The following PSTPIP1 variants were observed in gnomAD, a reference collection of about 807,000 sequenced individuals.
PSTPIP1 encodes proline-serine-threonine phosphatase-interacting protein 1.
Under a neutral mutation model 69.6 loss-of-function variants are expected in PSTPIP1, and 66 were observed. The observed-to-expected ratio is 0.95, with a 90% CI of 0.78 to 1.16. PSTPIP1 has a LOEUF of 1.16. PSTPIP1 is among the 50% of genes most tolerant of loss of function. The pLI is 0.00. For missense variants in PSTPIP1, 603 were observed against 557.4 expected, an observed-to-expected ratio of 1.08 and a Z score of -0.82; for synonymous variants, 266 against 222.7, an observed-to-expected ratio of 1.19 and a Z score of -1.73.
At chr15:76,999,781 T>C (rs1054747780) in intron 1 of PSTPIP1, among the ~76,000 whole-genome samples, 1 of 152,172 alleles carries the variant, frequency 6.6e-6, no homozygotes, top group Non-Finnish European at 1.5e-5. Flanking sequence ...AGAGGAGCAG[T>C]ATCTCAACTG....
At chr15:77,014,722 G>A (rs998302617) in intron 1 of PSTPIP1, among the ~76,000 whole-genome samples, 11 of 152,218 alleles carry the variant, frequency 7.2e-5, no homozygotes, top group East Asian at 5.8e-4. Context: ...GGCCCTGGCC[G>A]GCTCACAGGC....
chr15:77,011,414 G>A lies in PSTPIP1; in HGVS notation c.37-6734G>A, dbSNP rs542940166. On this transcript the variant is annotated intron_variant, in intron 1 of 14. Transcript: ENST00000558012. ...AGGCATCTCTGGGACTCGGCCAGCTGGGCTGCTCAGGTGAGGGGCCCTGTA... is the reference window on the plus strand; with the variant it reads ...AGGCATCTCTGGGACTCGGCCAGCTAGGCTGCTCAGGTGAGGGGCCCTGTA... Among the ~76,000 whole-genome samples the A allele has an allele frequency of 4.6e-5, 7 of 152,370 alleles. No homozygotes were observed. In the South Asian group the frequency reaches 1.4e-3, roughly 32 times the overall value.
intron 1 of PSTPIP1, among the ~76,000 whole-genome samples, chr15:77,010,347 AC>A (rs1053523297): frequency 2.0e-5 from 3 of 152,138 alleles, no homozygotes; most frequent in Non-Finnish European, 2.9e-5. Flanking sequence ...TGAGAGCCCC[AC>A]CAGGCACCGC....
intron 1 of PSTPIP1, among the ~76,000 whole-genome samples, chr15:77,016,930 C>A (rs1010613870): frequency 1.3e-5 from 2 of 152,090 alleles, no homozygotes; most frequent in Non-Finnish European, 2.9e-5. Context: ...CATGTGTGTG[C>A]GACCCTGGAG....
chr15:76,997,201 G>C (rs984558173), intron 1 of PSTPIP1, among the ~76,000 whole-genome samples: 6 of 152,220 alleles, frequency 3.9e-5, no homozygotes, highest in African/African-American at 1.4e-4. Context: ...TGTGCTCGTC[G>C]CACCTCTGGG....
intron 1 of PSTPIP1, among the ~76,000 whole-genome samples, chr15:77,013,087 C>G (rs1189056708): frequency 6.6e-6 from 1 of 152,188 alleles, no homozygotes; most frequent in East Asian, 1.9e-4. Context: ...CAGTGTCAGC[C>G]ACACTGGCTG....
rs2076520666 is a variant in PSTPIP1, at chr15:77,034,951, A to T, written c.930-557A>T. Among the ~76,000 whole-genome samples, 3 of 152,268 alleles carry T rather than the reference A, an allele frequency of 2.0e-5. No individual in the cohort carries two copies. The South Asian group carries it at 6.2e-4, about 31-fold the overall frequency. ...GCGCTGTCCCGGAACTCCTGTGAACAGGGTGGCTGAGCTGGCCTGATCACC... is the reference window on the plus strand; with the variant it reads ...GCGCTGTCCCGGAACTCCTGTGAACTGGGTGGCTGAGCTGGCCTGATCACC... On this transcript the variant is annotated intron_variant, in intron 12 of 14. Coordinates refer to ENST00000558012, the MANE Select transcript of PSTPIP1 (RefSeq NM_003978.5).
intron 1 of PSTPIP1, among the ~76,000 whole-genome samples, chr15:77,000,458 G>GATATATATATATATATATATATATATAT (rs148680520): frequency 7.2e-6 from 1 of 139,118 alleles, no homozygotes; most frequent in African/African-American, 2.8e-5. Context: ...CATTTAAAGA[G>GATATATATATATATATATATATATATAT]AGATATATAT....
chr15:77,033,010 C>A, intron 12 of PSTPIP1, 58 bp downstream of exon 12: 2 of 1,498,536 alleles, frequency 1.3e-6, no homozygotes, highest in Non-Finnish European at 1.8e-6. Context: ...TGGGTCGAGC[C>A]CCTCCTCTGC....
chr15:77,028,865 G>A (rs755585435), intron 7 of PSTPIP1, among the ~76,000 whole-genome samples: 15 of 152,200 alleles, frequency 9.9e-5, no homozygotes, highest in Non-Finnish European at 1.2e-4. Flanking sequence ...CTTTGCCACC[G>A]TCAGGCGGCA....
At chr15:77,036,314 C>G (rs931797927) in intron 14 of PSTPIP1, among the ~76,000 whole-genome samples, 1 of 152,178 alleles carries the variant, frequency 6.6e-6, no homozygotes, top group Non-Finnish European at 1.5e-5. Flanking sequence ...CTGGCAGAGC[C>G]TGGAGCTGCC....
intron 9 of PSTPIP1, among the ~76,000 whole-genome samples, chr15:77,030,892 G>A (rs567764739): frequency 7.2e-5 from 11 of 152,348 alleles, no homozygotes; most frequent in Non-Finnish European, 1.6e-4. Flanking sequence ...TGGGGAACAG[G>A]GCTCAGGACT....
At chr15:77,003,801 TTAAGA>T (rs762071294) in intron 1 of PSTPIP1, among the ~76,000 whole-genome samples, 45 of 152,314 alleles carry the variant, frequency 3.0e-4, no homozygotes, top group South Asian at 2.1e-4. Context: ...TCGTCATCAC[TTAAGA>T]TAAGGGCTTT....
chr15:77,031,468 G>A lies in PSTPIP1; in HGVS notation c.741+190G>A, dbSNP rs920088886. The A allele has an allele frequency of 4.0e-5, 21 of 519,638 alleles. No homozygotes were observed. The African/African-American group carries it at 4.1e-4, about 10-fold the overall frequency. The allele number at this position is 519,638 out of a possible 1,614,324, so 32.2% of individuals were successfully genotyped here. A position where few individuals can be genotyped will look rare whatever the true frequency, so the allele number is the denominator to read the frequency against. ...AGACAGGAGCTCAGTACCACACAGG[G>A]CCATGGCTTCTCTGCCTGGAAGATG... On this transcript the variant is annotated intron_variant, in intron 10 of 14. Transcript: ENST00000558012.
chr15:76,996,653 G>A (rs535531018), intron 1 of PSTPIP1, among the ~76,000 whole-genome samples: 71 of 152,384 alleles, frequency 4.7e-4, no homozygotes, highest in African/African-American at 1.7e-3. Flanking sequence ...TGTGGCCAGC[G>A]TGTGAGTGTT....
In PSTPIP1 at chr15:77,018,522, C is replaced by T. The variant is rs201872851; in HGVS notation, c.203C>T (p.Thr68Met). 1.1e-3 allele frequency: 1,770 copies of T among 1,570,020 alleles called. 9 individuals are homozygous for T. The highest frequency in any genetic ancestry group is 0.011 in the South Asian group (920 of 85,334). ...VQIARKAGGQ[T>M]EINSLRASFD... ...ATCGCACGGAAGGCAGGTGGCCAGA[C>T]GGAGATCAAGTAAGATCTCCCGGGC... Residue 68 changes from threonine (T) to methionine (M), a missense_variant, in exon 3 of 15, where the codon ACG (threonine) becomes ATG (methionine). Thr to Met is a moderately conservative substitution (Grantham distance 81). Transcript: ENST00000558012.
At chr15:77,007,645 AGTGC>A (rs2075842751) in intron 1 of PSTPIP1, among the ~76,000 whole-genome samples, 1 of 149,140 alleles carries the variant, frequency 6.7e-6, no homozygotes, top group Non-Finnish European at 1.5e-5. Flanking sequence ...CCCAAGCTGG[AGTGC>A]AGTGGCACAA....
intron 1 of PSTPIP1, among the ~76,000 whole-genome samples, chr15:76,996,868 G>A (rs2075592024): frequency 6.6e-6 from 1 of 152,178 alleles, no homozygotes; most frequent in South Asian, 2.1e-4. Flanking sequence ...CTGGAGCCCT[G>A]GGGGATGGGG....
intron 14 of PSTPIP1, among the ~76,000 whole-genome samples, chr15:77,036,825 G>A (rs1021970859): frequency 6.6e-6 from 1 of 152,132 alleles, no homozygotes; most frequent in African/African-American, 2.4e-5. Context: ...GGTGAGGCTG[G>A]GAAGAAACCC....
Sources: allele counts gnomAD v4.1 joint callset (sites outside exome capture counted in the v4.1 genomes callset), GRCh38; gene constraint gnomAD v4.1.1; transcripts MANE v1.5; gene names NCBI Gene and HGNC (gene_info 2026-07-23, HGNC 2026-07-21).